The following HELZ variants were observed in gnomAD, a reference collection of about 807,000 sequenced individuals.
HELZ encodes the protein helicase with zinc finger, also known as ATP-dependent RNA helicase with zinc finger domain.
In HELZ, 23 loss-of-function variants were observed where a neutral mutation model predicts 218.2. The ratio of observed to expected loss-of-function variants is 0.11; its 90% confidence interval spans 0.08 to 0.15. HELZ has a LOEUF of 0.15. Among genes scored for constraint, HELZ ranks in the 10% least tolerant of loss-of-function variants. The probability of loss-of-function intolerance (pLI) is 1.00; values close to 1 mark genes in which losing one functional copy is unlikely to be tolerated. For missense variants in HELZ, 1,813 were observed against 2,353.7 expected, an observed-to-expected ratio of 0.77 and a Z score of 4.75; for synonymous variants, 814 against 829.4, an observed-to-expected ratio of 0.98 and a Z score of 0.32.
intron 27 of HELZ, among the ~76,000 whole-genome samples, chr17:67,119,647 A>C (rs2037536960): frequency 6.6e-6 from 1 of 152,228 alleles, no homozygotes; most frequent in Non-Finnish European, 1.5e-5. Flanking sequence ...TGAATAAAAA[A>C]TACAGTAATT....
chr17:67,239,752 C>T (rs980459517), intron 2 of HELZ: 11 of 152,166 alleles, frequency 7.2e-5, no homozygotes, highest in Non-Finnish European at 1.3e-4. Context: ...GCCTATATTT[C>T]CTTATCTGGA....
Position 67,125,343 on chromosome 17 carries a change from T to TATATATATATATATACATACAC in HELZ, c.3388-1330_3388-1329insGTGTATGTATATATATATATAT, listed in dbSNP as rs1555605956. On this transcript the variant is annotated intron_variant, in intron 24 of 32. Transcript: ENST00000358691. ...ATATATATATATATATATATATATA[T>TATATATATATATATACATACAC]ATACTTGTGAGGAATAGAGACGTGA... 3.3e-5 allele frequency among the ~76,000 whole-genome samples: 2 copies of TATATATATATATATACATACAC among 61,398 alleles called. 1 individual carries two copies. Among genetic ancestry groups the TATATATATATATATACATACAC allele is most frequent in the Non-Finnish European group, 6.2e-5 (2 of 32,386 alleles). The allele number at this position is 61,398 out of a possible 152,430, so 40.3% of individuals were successfully genotyped here.
intron 23 of HELZ, 23 bp downstream of exon 23, chr17:67,135,947 T>G: frequency 6.4e-7 from 1 of 1,556,800 alleles, no homozygotes. Context: ...CCCTTTAATG[T>G]CTCAACATTA....
chr17:67,223,945 A>C (rs2040821305), intron 3 of HELZ, among the ~76,000 whole-genome samples: 1 of 152,178 alleles, frequency 6.6e-6, no homozygotes. Context: ...AAAGAGACTA[A>C]TACCATGCAA....
chr17:67,156,257 T>C (rs1260014359), intron 17 of HELZ, among the ~76,000 whole-genome samples: 1 of 152,142 alleles, frequency 6.6e-6, no homozygotes, highest in Non-Finnish European at 1.5e-5. Flanking sequence ...TGAGTCATTA[T>C]GAGAAAAAAA....
intron 32 of HELZ, among the ~76,000 whole-genome samples, chr17:67,081,729 T>C (rs893617354): frequency 2.6e-5 from 4 of 152,142 alleles, no homozygotes; most frequent in Non-Finnish European, 4.4e-5. Flanking sequence ...TAGAAGGAAG[T>C]GTCCCATTGG....
chr17:67,132,435 T>C (rs1442354040), intron 23 of HELZ, among the ~76,000 whole-genome samples: 1 of 152,232 alleles, frequency 6.6e-6, no homozygotes, highest in Admixed American at 6.5e-5. Context: ...AGCATATCCA[T>C]CATTTCTGGG....
At position 67,078,023 on chromosome 17, in the gene HELZ, T is replaced by G. The variant is rs979620422; in HGVS notation, c.*229A>C. On this transcript the variant is annotated 3_prime_UTR_variant, in exon 33 of 33. Transcript: ENST00000358691. ...GTAACAATACACAAATTTAAAAATTTTTTTATTCTACATAAAAGCTGTCAA... is the reference window on the plus strand; with the variant it reads ...GTAACAATACACAAATTTAAAAATTGTTTTATTCTACATAAAAGCTGTCAA... 2.8e-6 allele frequency: 1 copy of G among 357,602 alleles called. No homozygotes were observed. Among genetic ancestry groups the G allele is most frequent in the Non-Finnish European group, 5.0e-6 (1 of 199,590 alleles). The allele number at this position is 357,602 out of a possible 1,614,324, so 22.2% of individuals were successfully genotyped here.
intron 31 of HELZ, among the ~76,000 whole-genome samples, chr17:67,102,798 T>C (rs1598220195): frequency 6.6e-6 from 1 of 152,190 alleles, no homozygotes; most frequent in Non-Finnish European, 1.5e-5. Flanking sequence ...CATTTGTGAA[T>C]CTCATGCAAC....
intron 2 of HELZ, among the ~76,000 whole-genome samples, chr17:67,242,274 G>C (rs2041333357): frequency 6.6e-6 from 1 of 152,092 alleles, no homozygotes; most frequent in Non-Finnish European, 1.5e-5. Flanking sequence ...AATTAGCCGG[G>C]TGTGGTGGCG....
chr17:67,239,045 C>T (rs921795571), intron 3 of HELZ, among the ~76,000 whole-genome samples: 2 of 152,150 alleles, frequency 1.3e-5, no homozygotes, highest in African/African-American at 2.4e-5. Context: ...TAGCAGATAA[C>T]AGGAAAAACA....
At chr17:67,227,664 A>C (rs1484283240) in intron 3 of HELZ, among the ~76,000 whole-genome samples, 2 of 152,222 alleles carry the variant, frequency 1.3e-5, no homozygotes, top group African/African-American at 2.4e-5. Flanking sequence ...AAAAATGTAG[A>C]ATACTTTTGA....
chr17:67,117,376 C>T (rs756178710), intron 27 of HELZ, among the ~76,000 whole-genome samples: 10 of 151,884 alleles, frequency 6.6e-5, no homozygotes, highest in Non-Finnish European at 1.2e-4. Flanking sequence ...CTAAATAATC[C>T]ATGGGTCTAA....
At position 67,190,237 on chromosome 17, in the gene HELZ, T is replaced by C. The variant is rs1231983149; in HGVS notation, c.676A>G (p.Asn226Asp). 1 of 1,614,042 alleles carries C rather than the reference T, an allele frequency of 6.2e-7. No homozygotes were observed. Among genetic ancestry groups the C allele is most frequent in the Non-Finnish European group, 8.5e-7 (1 of 1,179,914 alleles). Residue 226 changes from asparagine (N) to aspartate (D), a missense_variant, in exon 10 of 33, where the codon AAT (asparagine) becomes GAT (aspartate). By Grantham distance (23) the Asn-to-Asp change is conservative (BLOSUM62 1). Coordinates refer to ENST00000358691, the MANE Select transcript of HELZ (RefSeq NM_014877.4). ...ASRLIKLKQQ[N>D]ENKQLSGSYM... is the part of the protein sequence containing the mutation. ...CTGCCTGAGAGCTGTTTATTCTCATTTTGCTGTTTCAATTTTATCAGCCGT... is the reference window on the plus strand; with the variant it reads ...CTGCCTGAGAGCTGTTTATTCTCATCTTGCTGTTTCAATTTTATCAGCCGT...
chr17:67,084,082 T>C (rs533032385), intron 32 of HELZ, among the ~76,000 whole-genome samples: 275 of 152,378 alleles, frequency 1.8e-3, no homozygotes, highest in Middle Eastern at 3.4e-3. Context: ...GATTATTTTA[T>C]GTCTGATACC....
intron 5 of HELZ, among the ~76,000 whole-genome samples, chr17:67,212,883 A>T (rs1247442720): frequency 1.3e-5 from 2 of 152,194 alleles, no homozygotes; most frequent in East Asian, 3.8e-4. Context: ...GGGTATGAAT[A>T]TATTACCAAG....
intron 31 of HELZ, among the ~76,000 whole-genome samples, chr17:67,088,280 G>A (rs1011490165): frequency 1.3e-5 from 2 of 151,998 alleles, no homozygotes; most frequent in Non-Finnish European, 2.9e-5. Context: ...TTCAGTCTGT[G>A]GTCAGTTATG....
chr17:67,225,618 A>T (rs1598458345), intron 3 of HELZ: 1 of 152,232 alleles, frequency 6.6e-6, no homozygotes, highest in African/African-American at 2.4e-5. Context: ...CCCCTAAGCC[A>T]ATTATCTCCT....
chr17:67,146,459 G>A lies in HELZ; in HGVS notation c.2622-569C>T, dbSNP rs549869912. Among the ~76,000 whole-genome samples the A allele has an allele frequency of 2.6e-5, 4 of 152,260 alleles. No individual in the cohort carries two copies. The East Asian group carries it at 7.7e-4, about 29-fold the overall frequency. On this transcript the variant is annotated intron_variant, in intron 20 of 32. Coordinates refer to ENST00000358691, the MANE Select transcript of HELZ (RefSeq NM_014877.4). Reference sequence around the variant, plus strand: ...ACCATATAACCTGTATGTGTAGTAGGCTATGCCATCTAGGTTAGTGTAAGT... The same window carrying A: ...ACCATATAACCTGTATGTGTAGTAGACTATGCCATCTAGGTTAGTGTAAGT...
Sources: allele counts gnomAD v4.1 joint callset (sites outside exome capture counted in the v4.1 genomes callset), GRCh38; gene constraint gnomAD v4.1.1; transcripts MANE v1.5; gene names NCBI Gene and HGNC (gene_info 2026-07-23, HGNC 2026-07-21).